Variants in SHTN1 observed in about 807,000 individuals in gnomAD.
The protein encoded by SHTN1 is shootin 1, also known as shootin-1.
SHTN1 carries 42 observed loss-of-function variants against 83.1 expected under a neutral mutation model. The observed-to-expected ratio is 0.51, with a 90% CI of 0.39 to 0.65. The LOEUF (loss-of-function observed/expected upper bound fraction) is 0.65. SHTN1 is among the 30% of genes least tolerant of loss of function. The pLI, the probability that SHTN1 is intolerant of heterozygous loss-of-function variation, is 0.00. For synonymous variants in SHTN1, 224 were observed against 247.7 expected (o/e 0.90, Z 0.90); for missense variants, 622 against 737.8 (o/e 0.84, Z 1.82).
intron 1 of SHTN1, among the ~76,000 whole-genome samples, chr10:117,057,963 A>C (rs895402828): frequency 1.3e-5 from 2 of 152,192 alleles, no homozygotes; most frequent in African/African-American, 4.8e-5. Flanking sequence ...ATCCTAAGAA[A>C]ACTGGATATC....
At chr10:116,920,052 C>A (rs2133362171) in intron 12 of SHTN1, among the ~76,000 whole-genome samples, 1 of 152,282 alleles carries the variant, frequency 6.6e-6, no homozygotes, top group South Asian at 2.1e-4. Context: ...ACTCAAACAC[C>A]ACAGCCAGAG....
At chr10:116,903,825 C>T (rs1287888646) in intron 15 of SHTN1, among the ~76,000 whole-genome samples, 2 of 152,098 alleles carry the variant, frequency 1.3e-5, no homozygotes, top group Non-Finnish European at 2.9e-5. Flanking sequence ...AGCTACAGCT[C>T]TTATATTTTT....
chr10:116,930,136 C>T (rs886679580), intron 9 of SHTN1, 134 bp from the exon 10 acceptor site: 1 of 529,204 alleles, frequency 1.9e-6, no homozygotes, highest in Non-Finnish European at 3.2e-6. Context: ...TCTTAACAAC[C>T]ATGCAAATGC....
chr10:117,089,942 A>T (rs978274135), intron 1 of SHTN1, among the ~76,000 whole-genome samples: 3 of 152,202 alleles, frequency 2.0e-5, no homozygotes, highest in African/African-American at 7.2e-5. Context: ...GTTGGTGAGG[A>T]TGTGGAGAAA....
intron 13 of SHTN1, among the ~76,000 whole-genome samples, chr10:116,915,161 C>A (rs1197238121): frequency 6.6e-6 from 1 of 152,130 alleles, no homozygotes; most frequent in African/African-American, 2.4e-5. Flanking sequence ...GACAACAGCA[C>A]CCCCAAAATA....
At chr10:117,096,921 G>A (rs1323560274) in intron 1 of SHTN1, among the ~76,000 whole-genome samples, 6 of 152,222 alleles carry the variant, frequency 3.9e-5, no homozygotes, top group African/African-American at 1.2e-4. Flanking sequence ...AATTAAAAAA[G>A]AGGAACATCA....
rs542531589 is a variant in SHTN1 at position 117,022,170 on chromosome 10, A to G, written c.-123+26275T>C. On this transcript the variant is annotated intron_variant, in intron 2 of 17. Coordinates refer to the SHTN1 transcript ENST00000392901. Reference sequence around the variant, plus strand: ...AATCTCTAACGTGATACACCATCCAATAAAATACTAATCAAAAATAAAAGG... The same window carrying G: ...AATCTCTAACGTGATACACCATCCAGTAAAATACTAATCAAAAATAAAAGG... Among the ~76,000 whole-genome samples the G allele has an allele frequency of 1.2e-4, 19 of 152,304 alleles. No homozygotes were observed. In the South Asian group the frequency reaches 3.7e-3, roughly 30 times the overall value.
intron 15 of SHTN1, among the ~76,000 whole-genome samples, chr10:116,903,530 A>C (rs921118577): frequency 6.8e-6 from 1 of 147,126 alleles, no homozygotes; most frequent in Non-Finnish European, 1.5e-5. Flanking sequence ...TCTCAGAGAC[A>C]AAAAAAAAAG....
At chr10:117,054,624 G>A (rs929179794) in intron 1 of SHTN1, among the ~76,000 whole-genome samples, 1 of 151,802 alleles carries the variant, frequency 6.6e-6, no homozygotes, top group African/African-American at 2.4e-5. Context: ...AGCCAGGATG[G>A]TCTCGATCTC....
Position 116,882,748 on chromosome 10 carries a change from C to T in SHTN1, c.*3596G>A, listed in dbSNP as rs1293166262. ...CTCATAACAGAGCCAACTCTTTATT[C>T]TCAAAGCTATGATTTGAAACTGGCT... On this transcript the variant is annotated 3_prime_UTR_variant, in exon 17 of 17. Transcript: ENST00000355371. 6.6e-6 allele frequency: 1 copy of T among 152,148 alleles called. No individual in the cohort carries two copies. Among genetic ancestry groups the T allele is most frequent in the Non-Finnish European group, 1.5e-5 (1 of 68,030 alleles). The allele number at this position is 152,148 out of a possible 1,614,324, so 9.4% of individuals were successfully genotyped here. A position where few individuals can be genotyped will look rare whatever the true frequency, so the allele number is the denominator to read the frequency against.
At chr10:117,123,686 C>G (rs187128141) in intron 1 of SHTN1, among the ~76,000 whole-genome samples, 45 of 150,662 alleles carry the variant, frequency 3.0e-4, no homozygotes, top group South Asian at 6.3e-4. Flanking sequence ...GGGTGGATTG[C>G]TTGAGGCCAG....
chr10:116,979,069 A>C (rs1323075535), intron 2 of SHTN1, among the ~76,000 whole-genome samples, 187 bp downstream of exon 2: 1 of 152,200 alleles, frequency 6.6e-6, no homozygotes, highest in African/African-American at 2.4e-5. Context: ...CATGCCTGCT[A>C]TTCTTTACCA....
rs569468632 is a variant in SHTN1, at chr10:117,092,824, G to T, written c.-189+33483C>A. On this transcript the variant is annotated intron_variant, in intron 1 of 17. Coordinates refer to the SHTN1 transcript ENST00000392901. ...GATAAGGGAGAGACTGAGGCTGAAGGGTTTAAAAAGAAAAGGGTATGGGCT... is the reference window on the plus strand; with the variant it reads ...GATAAGGGAGAGACTGAGGCTGAAGTGTTTAAAAAGAAAAGGGTATGGGCT... 6.6e-5 allele frequency among the ~76,000 whole-genome samples: 10 copies of T among 152,194 alleles called. No homozygotes were observed. The East Asian group carries it at 1.9e-3, about 29-fold the overall frequency.
At position 116,940,506 on chromosome 10, in the gene SHTN1, G is replaced by T; in HGVS notation, c.818C>A (p.Thr273Asn). 1 of 1,614,002 alleles carries T rather than the reference G, an allele frequency of 6.2e-7. No homozygotes were observed. Among genetic ancestry groups the T allele is most frequent in the Non-Finnish European group, 8.5e-7 (1 of 1,179,952 alleles). Residue 273 changes from threonine to asparagine, a missense_variant, in exon 9 of 17, where the codon ACC becomes AAC. Physicochemically the swap from Thr to Asn is moderately conservative, Grantham distance 65 (BLOSUM62 0). Coordinates refer to ENST00000355371, the MANE Select transcript of SHTN1 (RefSeq NM_001127211.3). ...AATTCTCTCTTCTTCAAGTTGCTGG[G>T]TGAGTTTTGCATTTTCGTCTAAAGC... ...LKALDENAKL[T>N]QQLEEERIQH...
intron 2 of SHTN1, among the ~76,000 whole-genome samples, chr10:117,034,596 G>C (rs1008835915): frequency 1.3e-5 from 2 of 151,660 alleles, no homozygotes; most frequent in Non-Finnish European, 2.9e-5. Flanking sequence ...AGCTGAGATT[G>C]TACCACTGAA....
chr10:117,078,293 G>A (rs1484492952), intron 1 of SHTN1, among the ~76,000 whole-genome samples: 1 of 152,158 alleles, frequency 6.6e-6, no homozygotes, highest in Non-Finnish European at 1.5e-5. Context: ...CCATCTACAA[G>A]GATGGTGGCT....
chr10:117,126,148 C>T (rs1159762753), intron 1 of SHTN1, among the ~76,000 whole-genome samples: 3 of 152,162 alleles, frequency 2.0e-5, no homozygotes, highest in South Asian at 2.1e-4. Context: ...CACTTCCCGC[C>T]GCTCCACTGC....
intron 2 of SHTN1, among the ~76,000 whole-genome samples, chr10:116,977,329 CAA>C (rs1850843712): frequency 6.6e-6 from 1 of 152,122 alleles, no homozygotes; most frequent in African/African-American, 2.4e-5. Flanking sequence ...TAGGTTAAGT[CAA>C]AGAGTGCTCC....
chr10:117,032,853 A>G (rs1852439737), intron 2 of SHTN1, among the ~76,000 whole-genome samples: 1 of 152,204 alleles, frequency 6.6e-6, no homozygotes, highest in East Asian at 1.9e-4. Flanking sequence ...TCTGACCACA[A>G]TGGAATAAAA....
Sources: allele counts gnomAD v4.1 joint callset (sites outside exome capture counted in the v4.1 genomes callset), GRCh38; gene constraint gnomAD v4.1.1; transcripts MANE v1.5; gene names NCBI Gene and HGNC (gene_info 2026-07-23, HGNC 2026-07-21).